The following FEZ1 variants were observed in gnomAD, a reference collection of about 807,000 sequenced individuals.
FEZ1 encodes fasciculation and elongation protein zeta-1.
FEZ1 carries 20 observed loss-of-function variants against 49.3 expected under a neutral mutation model. The ratio of observed to expected loss-of-function variants is 0.41; its 90% confidence interval spans 0.29 to 0.59. FEZ1 has a LOEUF of 0.59. Among genes scored for constraint, FEZ1 ranks in the 20% least tolerant of loss-of-function variants. The pLI, the probability that FEZ1 is intolerant of heterozygous loss-of-function variation, is 0.36. For missense variants in FEZ1, 413 were observed against 476.0 expected, an observed-to-expected ratio of 0.87 and a Z score of 1.23; for synonymous variants, 170 against 180.9, an observed-to-expected ratio of 0.94 and a Z score of 0.48.
intron 3 of FEZ1, among the ~76,000 whole-genome samples, chr11:125,478,471 C>T (rs1290320434): frequency 6.6e-6 from 1 of 152,072 alleles, no homozygotes; most frequent in African/African-American, 2.4e-5. Context: ...TTTAAATGGA[C>T]CACTTAAGTG....
At chr11:125,469,400 T>G (rs1223885886) in intron 3 of FEZ1, among the ~76,000 whole-genome samples, 12 of 152,138 alleles carry the variant, frequency 7.9e-5, no homozygotes, top group Non-Finnish European at 1.8e-4. Context: ...TTGGGACTAC[T>G]GGCGCATGCC....
intron 3 of FEZ1, among the ~76,000 whole-genome samples, chr11:125,465,936 C>G (rs12273116): frequency 6.6e-6 from 1 of 152,204 alleles, no homozygotes; most frequent in South Asian, 2.1e-4. Flanking sequence ...CTTCCCTCCC[C>G]TCCTTGACCA....
chr11:125,450,517 C>T (rs927460262), intron 8 of FEZ1, among the ~76,000 whole-genome samples: 2 of 152,130 alleles, frequency 1.3e-5, no homozygotes, highest in South Asian at 2.1e-4. Flanking sequence ...ATTGGCTAGT[C>T]GCAGGAGCTG....
In FEZ1 at chr11:125,445,716, C is replaced by T; in HGVS notation, c.*379G>A. 1 of 346,450 alleles carries T rather than the reference C, an allele frequency of 2.9e-6. No individual in the cohort carries two copies. The highest frequency in any genetic ancestry group is 5.7e-6 in the Non-Finnish European group (1 of 175,242). The allele number at this position is 346,450 out of a possible 1,614,324, so 21.5% of individuals were successfully genotyped here. A position where few individuals can be genotyped will look rare whatever the true frequency, so the allele number is the denominator to read the frequency against. On this transcript the variant is annotated 3_prime_UTR_variant, in exon 10 of 10. Transcript: ENST00000278919. The surrounding 1 kb of genome is among the most constrained non-coding windows in gnomAD (Gnocchi z 4.4). ...CGTCTCTGGAGTCTGGAGCAGAGGG[C>T]TAATGGACATCACACTCCAAAGCAC...
At chr11:125,455,676 G>T in intron 6 of FEZ1, 159 bp downstream of exon 6, 3 of 746,030 alleles carry the variant, frequency 4.0e-6, no homozygotes, top group Non-Finnish European at 7.2e-6. Context: ...GGAGATAGGT[G>T]ATATCTTCTC....
intron 5 of FEZ1, 99 bp downstream of exon 5, chr11:125,460,399 C>T: frequency 9.9e-7 from 1 of 1,007,646 alleles, no homozygotes; most frequent in Non-Finnish European, 1.5e-6. Flanking sequence ...TGCTCTGAGG[C>T]AGTCAGGGTT....
chr11:125,463,547 C>T lies in FEZ1; in HGVS notation c.435G>A (p.Glu145=). 2 of 1,610,230 alleles carry T rather than the reference C, an allele frequency of 1.2e-6. No individual in the cohort carries two copies. The highest frequency in any genetic ancestry group is 1.7e-6 in the Non-Finnish European group (2 of 1,176,514). ...AATCATTTTCACTCTTCTCATTGAACTCTTCCTCTTCTTTCTCATGGATCT... is the reference window on the plus strand; with the variant it reads ...AATCATTTTCACTCTTCTCATTGAATTCTTCCTCTTCTTTCTCATGGATCT... The part of the protein sequence containing the change: ...DTEIHEKEEE[E]FNEKSENDSG... Residue 145 remains glutamate (E), a synonymous_variant, in exon 4 of 10, where the codon GAG becomes GAA. Coordinates refer to ENST00000278919, the MANE Select transcript of FEZ1 (RefSeq NM_005103.5).
At chr11:125,478,397 G>A (rs564229829) in intron 3 of FEZ1, among the ~76,000 whole-genome samples, 19 of 152,226 alleles carry the variant, frequency 1.2e-4, no homozygotes, top group Non-Finnish European at 2.2e-4. Context: ...AGCCAAGATC[G>A]CGCCATTGCA....
intron 3 of FEZ1, among the ~76,000 whole-genome samples, chr11:125,464,220 A>G (rs148924746): frequency 2.6e-5 from 4 of 152,292 alleles, no homozygotes; most frequent in Middle Eastern, 3.4e-3. Context: ...CTGTGTCTCT[A>G]TAATTCCATA....
intron 6 of FEZ1, chr11:125,455,374 G>A (rs1297047182): frequency 6.2e-6 from 1 of 161,882 alleles, no homozygotes; most frequent in Non-Finnish European, 1.4e-5. Flanking sequence ...CTGGGCAAAA[G>A]AGTGAGACTC....
At chr11:125,457,429 A>ATATATAT (rs1555178498) in intron 5 of FEZ1, among the ~76,000 whole-genome samples, 1 of 20,910 alleles carries the variant, frequency 4.8e-5, no homozygotes, top group African/African-American at 2.0e-4. Flanking sequence ...AAAAAAAAAA[A>ATATATAT]ATATATATAT....
Position 125,444,996 on chromosome 11 carries a change from C to T in FEZ1, c.*1099G>A, listed in dbSNP as rs1328273483. Among the ~76,000 whole-genome samples the T allele has an allele frequency of 2.0e-5, 3 of 152,328 alleles. No individual in the cohort carries two copies. Among genetic ancestry groups the T allele is most frequent in the East Asian group, 3.9e-4 (2 of 5,174 alleles). ...AGAGGAGGATATGGGAATTGGCAGG[C>T]TCAATGTCTTTCAAGCCAGAAGACG... On this transcript the variant is annotated 3_prime_UTR_variant, in exon 10 of 10. Transcript: ENST00000278919.
At chr11:125,455,478 G>A (rs1303555319) in intron 6 of FEZ1, 3 of 317,912 alleles carry the variant, frequency 9.4e-6, no homozygotes, top group Non-Finnish European at 1.2e-5. Flanking sequence ...AGTCAGGACT[G>A]GAACCTGGGA....
intron 3 of FEZ1, among the ~76,000 whole-genome samples, chr11:125,473,888 T>G (rs1957205293): frequency 6.7e-6 from 1 of 149,706 alleles, no homozygotes; most frequent in South Asian, 2.1e-4. Context: ...AGAGCTAAAA[T>G]TATAAAACTT....
intron 3 of FEZ1, among the ~76,000 whole-genome samples, chr11:125,480,568 A>C (rs374985604): frequency 5.3e-5 from 8 of 152,338 alleles, no homozygotes; most frequent in East Asian, 1.9e-4. Context: ...TTTGAACCCA[A>C]GAGAAGCCCA....
At position 125,445,935 on chromosome 11, in the gene FEZ1, G is replaced by A; in HGVS notation, c.*160C>T. The A allele has an allele frequency of 1.3e-6, 1 of 749,782 alleles. No individual in the cohort carries two copies. The allele number at this position is 749,782 out of a possible 1,614,324, so 46.4% of individuals were successfully genotyped here. A position where few individuals can be genotyped will look rare whatever the true frequency, so the allele number is the denominator to read the frequency against. On this transcript the variant is annotated 3_prime_UTR_variant, in exon 10 of 10. Transcript: ENST00000278919. This position sits in a 1 kb window ranked among gnomAD's most constrained non-coding sequence, Gnocchi z 4.4. ...CATCCAATGATTACTAGCACTAGAAGCCAACGGCAAAGGACCCCGCGCGCT... is the reference window on the plus strand; with the variant it reads ...CATCCAATGATTACTAGCACTAGAAACCAACGGCAAAGGACCCCGCGCGCT...
intron 5 of FEZ1, 103 bp downstream of exon 5, chr11:125,460,394 TG>T: frequency 2.0e-6 from 2 of 976,500 alleles, no homozygotes; most frequent in Non-Finnish European, 3.1e-6. Flanking sequence ...GGCTCTGCTC[TG>T]AGGCAGTCAG....
intron 3 of FEZ1, among the ~76,000 whole-genome samples, chr11:125,478,066 A>G (rs1226236283): frequency 1.3e-5 from 2 of 152,246 alleles, no homozygotes; most frequent in African/African-American, 4.8e-5. Context: ...TCACAATTCA[A>G]TAGTTGGTAC....
intron 5 of FEZ1, 129 bp from the exon 6 acceptor site, chr11:125,456,235 A>G: frequency 1.1e-6 from 1 of 912,000 alleles, no homozygotes; most frequent in Non-Finnish European, 1.6e-6. Flanking sequence ...CTCCTTAAAG[A>G]TCCAAGAAAG....
Sources: gnomAD v4.1 joint callset for allele counts (sites outside exome capture counted in the v4.1 genomes callset) on GRCh38, gnomAD v4.1.1 for gene constraint, Gnocchi (gnomAD v3.1) non-coding constraint, MANE v1.5 for transcripts, NCBI Gene and HGNC (gene_info 2026-07-23, HGNC 2026-07-21) for gene names.